TNR: variants seen among roughly 807,000 people sequenced by gnomAD.
TNR encodes the protein tenascin-R.
TNR carries 45 observed loss-of-function variants against 150.4 expected under a neutral mutation model. The observed-to-expected ratio is 0.30, with a 90% confidence interval of 0.24 to 0.38. The LOEUF is 0.38. Ranked by LOEUF, TNR falls within the 10% of genes least tolerant of loss-of-function variation. The pLI is 1.00. For synonymous variants in TNR, 687 were observed against 678.4 expected (o/e 1.01, Z -0.20); for missense variants, 1,544 against 1,759.1 (o/e 0.88, Z 2.19).
intron 2 of TNR, among the ~76,000 whole-genome samples, chr1:175,469,464 A>T (rs1224426224): frequency 6.6e-6 from 1 of 152,142 alleles, no homozygotes; most frequent in Non-Finnish European, 1.5e-5. Context: ...TTCAGAGAAC[A>T]AGAGAGTTTT....
chr1:175,593,656 CA>C (rs982471504), intron 1 of TNR, among the ~76,000 whole-genome samples: 2 of 152,100 alleles, frequency 1.3e-5, no homozygotes, highest in Non-Finnish European at 2.9e-5. Context: ...AATTGTATTC[CA>C]AAAGAGCCTG....
Position 175,606,329 on chromosome 1 carries a change from A to G in TNR, c.-164-77960T>C, listed in dbSNP as rs146767671. 9.3e-4 allele frequency among the ~76,000 whole-genome samples: 142 copies of G among 152,274 alleles called. 1 individual carries two copies. The highest frequency in any genetic ancestry group is 1.2e-3 in the Non-Finnish European group (82 of 68,010). On this transcript the variant is annotated intron_variant, in intron 1 of 22. Coordinates refer to ENST00000367674, the MANE Select transcript of TNR (RefSeq NM_003285.3). ...TTACAAGGACAGATGCTGGGCCTCA[A>G]AGAAGCCAGACTCTGGACAGAGAAT...
rs201842928 is a variant in TNR at position 175,709,293 on chromosome 1, T to TCA, written c.-165+33931_-165+33932dup. On this transcript the variant is annotated intron_variant, in intron 1 of 22. Coordinates refer to ENST00000367674, the MANE Select transcript of TNR (RefSeq NM_003285.3). ...CAAAATTGGGCTTCCTCCCTTGCTT[T>TCA]CACACACACACACATACACACACAC... 5.0e-3 allele frequency among the ~76,000 whole-genome samples: 682 copies of TCA among 135,296 alleles called. 6 individuals are homozygous for TCA. Among genetic ancestry groups the TCA allele is most frequent in the African/African-American group, 0.019 (648 of 34,296 alleles). The allele number at this position is 135,296 out of a possible 152,430, so 88.8% of individuals were successfully genotyped here.
chr1:175,546,979 C>T (rs1038423710), intron 1 of TNR, among the ~76,000 whole-genome samples: 4 of 152,150 alleles, frequency 2.6e-5, no homozygotes, highest in South Asian at 2.1e-4. Flanking sequence ...CAGTCACTTT[C>T]CCCCTTCCTT....
At chr1:175,508,614 G>A (rs959646123) in intron 2 of TNR, among the ~76,000 whole-genome samples, 1 of 152,230 alleles carries the variant, frequency 6.6e-6, no homozygotes, top group African/African-American at 2.4e-5. Flanking sequence ...GCCCTGTGGA[G>A]AGGCCCACAT....
At chr1:175,349,103 G>GA (rs1650934928) in intron 18 of TNR, among the ~76,000 whole-genome samples, 1 of 152,210 alleles carries the variant, frequency 6.6e-6, no homozygotes, top group East Asian at 1.9e-4. Flanking sequence ...CATTTGGAAT[G>GA]ATGCATGTCG....
Position 175,520,197 on chromosome 1 carries a change from G to A in TNR, c.-64+8072C>T, listed in dbSNP as rs1007489673. On this transcript the variant is annotated intron_variant, in intron 2 of 22. Transcript: ENST00000367674. The stretch of plus-strand genomic sequence containing the variant: ...CCCTAGCTTGAGAATGAGGGTTGAG[G>A]TAGACTGAGCTCTAAAGTCCTAGGC... Among the ~76,000 whole-genome samples the A allele has an allele frequency of 3.9e-5, 6 of 152,294 alleles. No homozygotes were observed. In the South Asian group the frequency reaches 1.0e-3, roughly 26 times the overall value.
intron 1 of TNR, among the ~76,000 whole-genome samples, chr1:175,650,532 A>G (rs1664928209): frequency 6.6e-6 from 1 of 151,814 alleles, no homozygotes; most frequent in African/African-American, 2.4e-5. Flanking sequence ...TCTAATTGGT[A>G]CAGGCTAACA....
intron 16 of TNR, 108 bp downstream of exon 16, chr1:175,356,211 G>A: frequency 6.9e-7 from 1 of 1,448,224 alleles, no homozygotes; most frequent in Non-Finnish European, 9.5e-7. Flanking sequence ...ACAGCTCATA[G>A]CTGCCCTGTC....
intron 1 of TNR, among the ~76,000 whole-genome samples, chr1:175,736,586 G>A (rs767541895): frequency 3.3e-5 from 5 of 151,990 alleles, no homozygotes; most frequent in Non-Finnish European, 5.9e-5. Flanking sequence ...GGGAAAGAGG[G>A]GATGTGTAGG....
At chr1:175,495,468 G>T (rs1225938279) in intron 2 of TNR, among the ~76,000 whole-genome samples, 1 of 152,200 alleles carries the variant, frequency 6.6e-6, no homozygotes, top group Non-Finnish European at 1.5e-5. Context: ...CTATCCAGGG[G>T]CTTAGCTTTG....
chr1:175,525,980 T>G (rs372127418), intron 2 of TNR, among the ~76,000 whole-genome samples: 9 of 152,154 alleles, frequency 5.9e-5, no homozygotes, highest in African/African-American at 2.2e-4. Flanking sequence ...TACCTAAACA[T>G]TGAACCATTT....
chr1:175,460,711 G>C (rs374003832), intron 2 of TNR, among the ~76,000 whole-genome samples: 29 of 152,286 alleles, frequency 1.9e-4, no homozygotes, highest in African/African-American at 7.0e-4. Flanking sequence ...TGTCCAAGGT[G>C]GCAAAGGGTA....
intron 1 of TNR, among the ~76,000 whole-genome samples, chr1:175,698,509 G>A (rs974759920): frequency 6.6e-6 from 1 of 152,162 alleles, no homozygotes; most frequent in Non-Finnish European, 1.5e-5. Context: ...ATTGATGGGT[G>A]AGGCTAGAGT....
At chr1:175,426,802 A>T (rs1300826650) in intron 2 of TNR, among the ~76,000 whole-genome samples, 7 of 136,312 alleles carry the variant, frequency 5.1e-5, no homozygotes, top group Non-Finnish European at 1.1e-4. Flanking sequence ...GTATATATAT[A>T]ATATATATAA....
intron 17 of TNR, among the ~76,000 whole-genome samples, chr1:175,354,932 C>T (rs537970753): frequency 1.7e-4 from 26 of 152,272 alleles, no homozygotes; most frequent in South Asian, 1.5e-3. Context: ...AAAGAGGTTG[C>T]TTCACTAACA....
rs762176686 is a variant in TNR at position 175,386,211 on chromosome 1, A to G, written c.1598T>C (p.Phe533Ser). 2 of 1,611,548 alleles carry G rather than the reference A, an allele frequency of 1.2e-6. No homozygotes were observed. The highest frequency in any genetic ancestry group is 1.7e-6 in the Non-Finnish European group (2 of 1,177,970). The change falls in exon 8 of 23, where the codon TTC becomes TCC. Residue 533 changes from phenylalanine to serine, a missense_variant. Around this residue, in one of 2 missense-constraint regions of TNR, gnomAD observed 1,254 missense variants for 1,329.4 expected, o/e 0.94. Coordinates refer to ENST00000367674, the MANE Select transcript of TNR (RefSeq NM_003285.3). The stretch of plus-strand genomic sequence containing the variant: ...CACCAGGCCATATTTCAAAAGAATG[A>G]AATCGACTTTGGCTCGAGGGGGAAT... ...EWIPPRAKVD[F>S]ILLKYGLVGG...
At chr1:175,729,956 G>A (rs973460528) in intron 1 of TNR, among the ~76,000 whole-genome samples, 1 of 152,176 alleles carries the variant, frequency 6.6e-6, no homozygotes, top group South Asian at 2.1e-4. Flanking sequence ...AGCTGCTCCT[G>A]TAATTCTCTG....
intron 1 of TNR, among the ~76,000 whole-genome samples, chr1:175,639,407 T>C (rs1664583002): frequency 6.6e-6 from 1 of 152,220 alleles, no homozygotes. Context: ...GGTCCATAAA[T>C]ACCCCTAAGG....
Sources: allele counts gnomAD v4.1 joint callset (sites outside exome capture counted in the v4.1 genomes callset), GRCh38; gene constraint gnomAD v4.1.1; regional missense constraint gnomAD v4.1.1; transcripts MANE v1.5; gene names NCBI Gene and HGNC (gene_info 2026-07-23, HGNC 2026-07-21).